Variants in FAT3 observed in about 807,000 individuals in gnomAD.
The protein encoded by FAT3 is FAT atypical cadherin 3.
A neutral mutation model predicts 310.2 loss-of-function variants in FAT3; 95 were observed. That is an observed-to-expected ratio of 0.31 (90% confidence interval 0.26 to 0.36). The LOEUF is 0.36. Among genes scored for constraint, FAT3 ranks in the 10% least tolerant of loss-of-function variants. FAT3 has a pLI of 1.00. For synonymous variants in FAT3, 2,314 were observed against 2,192.9 expected (o/e 1.06, Z -1.54); for missense variants, 5,408 against 5,715.6 (o/e 0.95, Z 1.74).
At chr11:92,657,583 GA>G (rs1427423115) in intron 3 of FAT3, among the ~76,000 whole-genome samples, 39 of 152,266 alleles carry the variant, frequency 2.6e-4, no homozygotes, top group African/African-American at 8.7e-4. Context: ...GTGTGCTGTG[GA>G]ATTCACAAAT....
chr11:92,718,922 C>T (rs958675548), intron 4 of FAT3, among the ~76,000 whole-genome samples: 3 of 152,156 alleles, frequency 2.0e-5, no homozygotes, highest in Admixed American at 1.3e-4. Context: ...ACAGTTGATA[C>T]CTCTAAAGAA....
intron 3 of FAT3, among the ~76,000 whole-genome samples, chr11:92,534,991 C>G (rs989215149): frequency 2.0e-5 from 3 of 152,174 alleles, no homozygotes; most frequent in African/African-American, 7.2e-5. Context: ...AGCAAGGCCT[C>G]TTTGTGTAGA....
chr11:92,476,409 A>G (rs1444495546), intron 2 of FAT3, among the ~76,000 whole-genome samples: 1 of 152,176 alleles, frequency 6.6e-6, no homozygotes, highest in Non-Finnish European at 1.5e-5. Flanking sequence ...TGCCCATCCT[A>G]GGTTACTATC....
chr11:92,812,040 C>T (rs557868310), intron 13 of FAT3, among the ~76,000 whole-genome samples: 4 of 152,268 alleles, frequency 2.6e-5, no homozygotes, highest in East Asian at 3.9e-4. Flanking sequence ...GTTGCAGCAG[C>T]GTCAGTCTGA....
intron 2 of FAT3, among the ~76,000 whole-genome samples, chr11:92,477,500 A>G (rs1316565353): frequency 2.6e-5 from 4 of 152,132 alleles, no homozygotes. Flanking sequence ...ATGTCTTTAA[A>G]TGTTCTCCAG....
intron 1 of FAT3, among the ~76,000 whole-genome samples, chr11:92,261,175 T>A (rs1353565741): frequency 6.6e-6 from 1 of 151,850 alleles, no homozygotes; most frequent in East Asian, 1.9e-4. Context: ...AGAGGCAAAA[T>A]TATTTCAGTT....
chr11:92,850,509 A>G (rs1456263841), intron 19 of FAT3, among the ~76,000 whole-genome samples: 2 of 152,218 alleles, frequency 1.3e-5, no homozygotes, highest in Non-Finnish European at 1.5e-5. Context: ...CGAGAGAACC[A>G]TAAGAAATGA....
intron 1 of FAT3, among the ~76,000 whole-genome samples, chr11:92,289,316 C>A (rs540775127): frequency 1.3e-5 from 2 of 152,076 alleles, no homozygotes; most frequent in Non-Finnish European, 2.9e-5. Flanking sequence ...TGCTCCAGAG[C>A]CTAATATATT....
At chr11:92,370,834 T>C (rs1177325242) in intron 2 of FAT3, among the ~76,000 whole-genome samples, 1 of 152,218 alleles carries the variant, frequency 6.6e-6, no homozygotes, top group Non-Finnish European at 1.5e-5. Flanking sequence ...TCTGTAGGAA[T>C]ACAGCATGAC....
intron 2 of FAT3, among the ~76,000 whole-genome samples, chr11:92,419,559 T>C (rs1950495673): frequency 6.6e-6 from 1 of 152,196 alleles, no homozygotes; most frequent in Admixed American, 6.5e-5. Context: ...GGAGTATCTT[T>C]ATATTTCTTT....
At chr11:92,590,392 C>T (rs567723308) in intron 3 of FAT3, among the ~76,000 whole-genome samples, 15 of 152,196 alleles carry the variant, frequency 9.9e-5, no homozygotes, top group African/African-American at 3.1e-4. Flanking sequence ...AGGAAAACAG[C>T]ACCTGGCTGT....
At chr11:92,361,134 G>A (rs1948871020) in intron 2 of FAT3, among the ~76,000 whole-genome samples, 1 of 152,254 alleles carries the variant, frequency 6.6e-6, no homozygotes, top group East Asian at 1.9e-4. Context: ...TGATCCACAT[G>A]TCTTTTCATT....
At chr11:92,607,625 G>A (rs994777271) in intron 3 of FAT3, among the ~76,000 whole-genome samples, 9 of 152,074 alleles carry the variant, frequency 5.9e-5, no homozygotes, top group Non-Finnish European at 1.0e-4. Flanking sequence ...TACTTTAAAC[G>A]TGTATTTTGT....
Position 92,801,043 on chromosome 11 carries a change from T to C in FAT3, c.8030T>C (p.Phe2677Ser), listed in dbSNP as rs747626764. The C allele has an allele frequency of 8.1e-6, 13 of 1,613,782 alleles. No homozygotes were observed. The highest frequency in any genetic ancestry group is 6.8e-6 in the Non-Finnish European group (8 of 1,179,868). ...NQLKNTVLSFFVKAVDGGIPV... is the reference protein window; with the variant it reads ...NQLKNTVLSFSVKAVDGGIPV... ...CTGAAAAATACAGTGCTTTCGTTCT[T>C]TGTCAAAGCAGTAGATGGGGGCATC... Residue 2677 changes from phenylalanine (F) to serine (S), a missense_variant, in exon 10 of 28, where the codon TTT (phenylalanine) becomes TCT (serine). Phe to Ser is a radical substitution (Grantham distance 155). Coordinates refer to ENST00000525166, the MANE Select transcript of FAT3 (RefSeq NM_001367949.2).
chr11:92,880,599 AACC>A (rs1949651390), intron 22 of FAT3, 129 bp from the exon 23 acceptor site: 12 of 1,032,396 alleles, frequency 1.2e-5, no homozygotes, highest in Non-Finnish European at 1.6e-5. Context: ...TCAATTTGCT[AACC>A]ACCTTTGGAA....
At chr11:92,687,874 CCTTGCTAGG>C in intron 3 of FAT3, among the ~76,000 whole-genome samples, 1 of 152,000 alleles carries the variant, frequency 6.6e-6, no homozygotes, top group Non-Finnish European at 1.5e-5. Context: ...TTCCTGTCTT[CCTTGCTAGG>C]CATGCCTAGC....
intron 3 of FAT3, among the ~76,000 whole-genome samples, chr11:92,541,524 C>T (rs1954447819): frequency 6.6e-6 from 1 of 152,060 alleles, no homozygotes; most frequent in Non-Finnish European, 1.5e-5. Flanking sequence ...TGCAAGTTGT[C>T]AGAATTCACA....
At position 92,442,094 on chromosome 11, in the gene FAT3, TATATATA is replaced by T. The variant is rs1951079419; in HGVS notation, c.3293-82539_3293-82533del. 4.2e-5 allele frequency among the ~76,000 whole-genome samples: 2 copies of T among 47,778 alleles called. 1 individual carries two copies. The highest frequency in any genetic ancestry group is 1.8e-4 in the African/African-American group (2 of 10,952). The allele number at this position is 47,778 out of a possible 152,430, so 31.3% of individuals were successfully genotyped here. On this transcript the variant is annotated intron_variant, in intron 2 of 27. Transcript: ENST00000525166. ...GAAATATATATTTTATATATATATA[TATATATA>T]TATATATATATTTTTTTTTTTTTTT...
In FAT3 at chr11:92,844,623, T is replaced by C. The variant is rs530943664; in HGVS notation, c.11256T>C (p.His3752=). The C allele has an allele frequency of 1.6e-5, 26 of 1,613,238 alleles. No homozygotes were observed. The Admixed American group carries it at 4.2e-4, about 26-fold the overall frequency. The change falls in exon 19 of 28, where the codon CAT becomes CAC. Residue 3752 remains histidine, a synonymous_variant. Transcript: ENST00000525166. The part of the protein sequence containing the change: ...NCSGLDCQEQ[H]CEQGLSLDSH... ...CAGGGCTGGACTGTCAGGAACAGCA[T>C]TGTGAGCAAGGCTTGTCACTCGATT...
Sources: gnomAD v4.1 joint callset for allele counts (sites outside exome capture counted in the v4.1 genomes callset) on GRCh38, gnomAD v4.1.1 for gene constraint, MANE v1.5 for transcripts, NCBI Gene and HGNC (gene_info 2026-07-23, HGNC 2026-07-21) for gene names.